TENM3: variants seen among roughly 807,000 people sequenced by gnomAD.
TENM3 encodes teneurin-3.
Under a neutral mutation model 255.1 loss-of-function variants are expected in TENM3, and 63 were observed. That is an observed-to-expected ratio of 0.25 (90% CI 0.20 to 0.30). The LOEUF is 0.30. Among genes scored for constraint, TENM3 ranks in the 10% least tolerant of loss-of-function variants. TENM3 has a pLI of 1.00. For synonymous variants in TENM3, 1,306 were observed against 1,322.3 expected (o/e 0.99, Z 0.27); for missense variants, 2,929 against 3,461.1 (o/e 0.85, Z 3.86).
the TENM3 span, among the ~76,000 whole-genome samples, chr4:181,717,136 T>G: frequency 6.6e-6 from 1 of 152,132 alleles, no homozygotes; most frequent in Non-Finnish European, 1.5e-5. Context: ...TAAACAGGAA[T>G]TTATGCAGAC....
intron 3 of TENM3, among the ~76,000 whole-genome samples, chr4:182,358,391 C>T (rs1400162034): frequency 6.0e-4 from 90 of 151,078 alleles, no homozygotes; most frequent in African/African-American, 1.7e-3. Flanking sequence ...TCTTTTATTT[C>T]ATTGAGCAGT....
intron 1 of TENM3, among the ~76,000 whole-genome samples, chr4:182,261,917 G>C (rs1246854076): frequency 3.3e-5 from 5 of 152,078 alleles, no homozygotes; most frequent in Non-Finnish European, 7.4e-5. Flanking sequence ...CAGAGTAAAG[G>C]CTCATTTGAA....
At chr4:181,942,014 A>G in the TENM3 span, among the ~76,000 whole-genome samples, 2 of 152,194 alleles carry the variant, frequency 1.3e-5, no homozygotes, top group East Asian at 3.9e-4. Context: ...ATAATGGACA[A>G]AAATTTCCAC....
chr4:182,228,757 T>G (rs771373086), intron 1 of TENM3, among the ~76,000 whole-genome samples: 9 of 152,174 alleles, frequency 5.9e-5, no homozygotes, highest in Non-Finnish European at 1.2e-4. Flanking sequence ...CAGGAGCTGA[T>G]TTCAGAAATT....
At chr4:181,481,975 C>T in the TENM3 span, among the ~76,000 whole-genome samples, 1 of 152,068 alleles carries the variant, frequency 6.6e-6, no homozygotes, top group Non-Finnish European at 1.5e-5. Context: ...ATTAGCAAAG[C>T]AGTCATCAGA....
chr4:181,985,208 CATAAA>C, the TENM3 span, among the ~76,000 whole-genome samples: 1 of 150,652 alleles, frequency 6.6e-6, no homozygotes, highest in Non-Finnish European at 1.5e-5. Flanking sequence ...TGGTAATACT[CATAAA>C]AGAAAAAAAA....
chr4:182,800,308 A>G lies in TENM3; in HGVS notation c.8057A>G (p.Asn2686Ser), dbSNP rs1305513314. 5 of 1,594,148 alleles carry G rather than the reference A, an allele frequency of 3.1e-6. No individual in the cohort carries two copies. The highest frequency in any genetic ancestry group is 2.7e-5 in the African/African-American group (2 of 74,814). Residue 2686 changes from asparagine to serine, a missense_variant, in exon 28 of 28, where the codon AAC becomes AGC. This residue lies in a region of TENM3 where 476 missense variants were observed against 480.1 expected (regional missense o/e 0.99). Coordinates refer to ENST00000511685, the MANE Select transcript of TENM3 (RefSeq NM_001080477.4). ...EQYPELADSA[N>S]NIQFLRQSEI... ...TACCCCGAGCTGGCCGACAGCGCCA[A>G]CAACATCCAGTTCCTGCGGCAGAGC...
chr4:181,823,593 T>A, the TENM3 span, among the ~76,000 whole-genome samples: 1 of 152,166 alleles, frequency 6.6e-6, no homozygotes, highest in East Asian at 1.9e-4. Flanking sequence ...TTAAATAATT[T>A]ATATATGACT....
chr4:181,689,281 T>G, the TENM3 span, among the ~76,000 whole-genome samples: 3 of 152,242 alleles, frequency 2.0e-5, no homozygotes, highest in African/African-American at 7.2e-5. Context: ...TGCACAGCTA[T>G]TTTTTAAAAT....
chr4:182,730,501 A>G (rs1309516662), intron 15 of TENM3, among the ~76,000 whole-genome samples, 182 bp downstream of exon 15: 1 of 152,214 alleles, frequency 6.6e-6, no homozygotes, highest in East Asian at 1.9e-4. Context: ...TACTTCTTCA[A>G]AAGTTGATTT....
chr4:181,898,914 C>T, the TENM3 span, among the ~76,000 whole-genome samples: 1 of 152,086 alleles, frequency 6.6e-6, no homozygotes, highest in Admixed American at 6.6e-5. Context: ...AAAGAACATT[C>T]TGCTGAAATG....
the TENM3 span, among the ~76,000 whole-genome samples, chr4:182,077,299 A>G: frequency 2.0e-5 from 3 of 152,214 alleles, no homozygotes; most frequent in Admixed American, 6.5e-5. Flanking sequence ...AGAATAAGCC[A>G]TATCTAATTT....
At chr4:182,562,243 A>G (rs1472633564) in intron 3 of TENM3, among the ~76,000 whole-genome samples, 1 of 152,206 alleles carries the variant, frequency 6.6e-6, no homozygotes, top group African/African-American at 2.4e-5. Context: ...AACCAGTGGT[A>G]GAAACTCATT....
the TENM3 span, among the ~76,000 whole-genome samples, chr4:181,608,048 C>T: frequency 6.6e-6 from 1 of 152,152 alleles, no homozygotes; most frequent in African/African-American, 2.4e-5. Context: ...GAGCAATTGG[C>T]ATGTAGGTTT....
chr4:182,672,263 C>A (rs1417416015), intron 6 of TENM3, among the ~76,000 whole-genome samples: 1 of 152,016 alleles, frequency 6.6e-6, no homozygotes, highest in African/African-American at 2.4e-5. Flanking sequence ...TGGCAGAGAT[C>A]CAGGGAGAAA....
intron 6 of TENM3, among the ~76,000 whole-genome samples, chr4:182,672,172 T>C (rs575523578): frequency 3.9e-5 from 6 of 152,232 alleles, no homozygotes; most frequent in African/African-American, 1.4e-4. Flanking sequence ...AAGAGGAACA[T>C]CGTACCAAAA....
intron 5 of TENM3, among the ~76,000 whole-genome samples, chr4:182,632,374 A>G (rs981437310): frequency 6.6e-6 from 1 of 152,234 alleles, no homozygotes; most frequent in Non-Finnish European, 1.5e-5. Context: ...TTTGAAAACC[A>G]TGGCAACTGT....
chr4:182,016,045 G>T, the TENM3 span, among the ~76,000 whole-genome samples: 2 of 152,106 alleles, frequency 1.3e-5, no homozygotes, highest in East Asian at 1.9e-4. Context: ...GTCATTTTCA[G>T]CCACTTAAAA....
the TENM3 span, among the ~76,000 whole-genome samples, chr4:181,641,548 GTGTGTGTATA>G: frequency 2.8e-4 from 4 of 14,418 alleles, no homozygotes; most frequent in African/African-American, 1.2e-3. Flanking sequence ...ATTCCATGGT[GTGTGTGTATA>G]TATATATATA....
Sources: gnomAD v4.1 joint callset for allele counts (sites outside exome capture counted in the v4.1 genomes callset) on GRCh38, gnomAD v4.1.1 for gene constraint, gnomAD v4.1.1 regional missense constraint, MANE v1.5 for transcripts, NCBI Gene and HGNC (gene_info 2026-07-23, HGNC 2026-07-21) for gene names.